The following OLFM2 variants were observed in gnomAD, a reference collection of about 807,000 sequenced individuals.
OLFM2 encodes the protein olfactomedin 2.
OLFM2 carries 20 observed loss-of-function variants against 43.9 expected under a neutral mutation model. That is an observed-to-expected ratio of 0.46 (90% CI 0.32 to 0.66). OLFM2 has a LOEUF of 0.66. Among genes scored for constraint, OLFM2 ranks in the 30% least tolerant of loss-of-function variants. OLFM2 has a pLI of 0.04. For missense variants in OLFM2, 416 were observed against 643.6 expected (o/e 0.65, Z 3.83); for synonymous variants, 268 against 278.6 (o/e 0.96, Z 0.38).
chr19:9,881,028 G>A (rs2046535735), intron 1 of OLFM2, among the ~76,000 whole-genome samples: 1 of 152,144 alleles, frequency 6.6e-6, no homozygotes, highest in East Asian at 1.9e-4. Context: ...CTCCCAAGCA[G>A]CTGAATTTAC....
chr19:9,919,689 C>T (rs979811156), intron 1 of OLFM2, among the ~76,000 whole-genome samples: 4 of 150,744 alleles, frequency 2.7e-5, no homozygotes, highest in Non-Finnish European at 1.5e-5. Flanking sequence ...GCCACATTGG[C>T]CAGGCTGGTC....
At chr19:9,904,873 G>A (rs1350944081) in intron 1 of OLFM2, among the ~76,000 whole-genome samples, 1 of 151,990 alleles carries the variant, frequency 6.6e-6, no homozygotes, top group Admixed American at 6.6e-5. Flanking sequence ...TTAAAAATTA[G>A]CCAGGTGTGG....
At chr19:9,909,012 T>C (rs2046806711) in intron 1 of OLFM2, among the ~76,000 whole-genome samples, 1 of 152,176 alleles carries the variant, frequency 6.6e-6, no homozygotes, top group South Asian at 2.1e-4. Flanking sequence ...CAGCCTATTT[T>C]AATTTTTTGT....
intron 1 of OLFM2, among the ~76,000 whole-genome samples, chr19:9,890,164 G>A (rs114413618): frequency 0.13 from 19,965 of 152,052 alleles, 1,427 homozygotes; most frequent in Middle Eastern, 0.2. Context: ...CGCTGGGCTG[G>A]TGGAGACATC....
intron 1 of OLFM2, among the ~76,000 whole-genome samples, chr19:9,927,432 G>A (rs922925059): frequency 4.6e-5 from 7 of 152,026 alleles, no homozygotes; most frequent in Admixed American, 3.3e-4. Context: ...ACTTACCCTA[G>A]TTCCCATTTC....
intron 1 of OLFM2, among the ~76,000 whole-genome samples, chr19:9,916,453 A>G (rs1197344262): frequency 6.6e-6 from 1 of 152,220 alleles, no homozygotes; most frequent in Non-Finnish European, 1.5e-5. Context: ...CAACTGCTGC[A>G]ACATCCATAA....
intron 1 of OLFM2, among the ~76,000 whole-genome samples, chr19:9,882,520 AGAGT>A (rs1275004430): frequency 6.8e-6 from 1 of 146,798 alleles, no homozygotes; most frequent in East Asian, 2.0e-4. Flanking sequence ...CCTGGGCGAC[AGAGT>A]GAGACTCCGT....
intron 1 of OLFM2, among the ~76,000 whole-genome samples, chr19:9,930,998 CCAGT>C (rs2086478841): frequency 6.6e-6 from 1 of 152,186 alleles, no homozygotes; most frequent in South Asian, 2.1e-4. Context: ...CATTCACCCA[CCAGT>C]CACACAGACG....
chr19:9,928,949 G>A (rs2086468238), intron 1 of OLFM2, among the ~76,000 whole-genome samples: 1 of 152,084 alleles, frequency 6.6e-6, no homozygotes, highest in African/African-American at 2.4e-5. Context: ...CACTGAGGTG[G>A]TGTGCACCTG....
intron 1 of OLFM2, among the ~76,000 whole-genome samples, chr19:9,884,992 A>T (rs754202409): frequency 7.2e-5 from 11 of 152,000 alleles, no homozygotes; most frequent in Non-Finnish European, 1.6e-4. Flanking sequence ...CTCTCCCATC[A>T]CAGGGTGGAT....
At position 9,857,569 on chromosome 19, in the gene OLFM2, C is replaced by CT; in HGVS notation, c.361-88dup. On this transcript the variant is annotated intron_variant, in intron 3 of 5. Coordinates refer to ENST00000264833, the MANE Select transcript of OLFM2 (RefSeq NM_058164.4). This position sits in a 1 kb window ranked among gnomAD's most constrained non-coding sequence, Gnocchi z 5.7. ...CCAACCTCTGACTCATAACTTCACC[C>CT]TTTGTCTTTGATGCACACCTGGCCC... 2.6e-6 allele frequency: 4 copies of CT among 1,562,608 alleles called. No individual in the cohort carries two copies. The highest frequency in any genetic ancestry group is 3.5e-6 in the Non-Finnish European group (4 of 1,142,110).
At chr19:9,928,478 G>A (rs1456570808) in intron 1 of OLFM2, among the ~76,000 whole-genome samples, 2 of 152,102 alleles carry the variant, frequency 1.3e-5, no homozygotes, top group Non-Finnish European at 2.9e-5. Flanking sequence ...AACTGGGACC[G>A]AGAGTCTACT....
intron 1 of OLFM2, among the ~76,000 whole-genome samples, chr19:9,934,376 G>A (rs1027148371): frequency 2.0e-5 from 3 of 152,004 alleles, no homozygotes; most frequent in African/African-American, 7.2e-5. Context: ...CACTGACCTC[G>A]TTAGTCCCGC....
chr19:9,861,411 G>A (rs1241530573), intron 1 of OLFM2, among the ~76,000 whole-genome samples: 9 of 151,552 alleles, frequency 5.9e-5, no homozygotes, highest in Admixed American at 3.3e-4. Context: ...TGATCCACCC[G>A]TCTCAGCCTC....
At chr19:9,907,078 C>G (rs887216283) in intron 1 of OLFM2, among the ~76,000 whole-genome samples, 2 of 152,164 alleles carry the variant, frequency 1.3e-5, no homozygotes, top group African/African-American at 4.8e-5. Flanking sequence ...AGCCCACCTC[C>G]ATCTCCAGTC....
intron 1 of OLFM2, among the ~76,000 whole-genome samples, chr19:9,901,176 AAAAG>A (rs1360539771): frequency 2.0e-5 from 3 of 150,142 alleles, no homozygotes; most frequent in Admixed American, 6.7e-5. Flanking sequence ...GGAAGGAAGG[AAAAG>A]AAAGAAGGAA....
At chr19:9,898,213 A>T (rs1486110874) in intron 1 of OLFM2, among the ~76,000 whole-genome samples, 1 of 145,966 alleles carries the variant, frequency 6.9e-6, no homozygotes, top group Non-Finnish European at 1.5e-5. Flanking sequence ...GCCTGGCCCC[A>T]GCTAATTTTT....
At chr19:9,913,654 G>GGA in intron 1 of OLFM2, 1 of 1,198,884 alleles carries the variant, frequency 8.3e-7, no homozygotes, top group Non-Finnish European at 1.0e-6. Flanking sequence ...CGCCCGCCGC[G>GGA]CGTCCCTTCT....
chr19:9,856,184 T>C lies in OLFM2; in HGVS notation c.687+623A>G, dbSNP rs7254993. ...TGCGATCTTGGCTCACTGCAACCTC[T>C]GCCTCCAGGGTTCAAGTGATTCTCC... On this transcript the variant is annotated intron_variant, in intron 5 of 5. Coordinates refer to ENST00000264833, the MANE Select transcript of OLFM2 (RefSeq NM_058164.4). The surrounding 1 kb of genome is among the most constrained non-coding windows in gnomAD (Gnocchi z 4.0). Among the ~76,000 whole-genome samples, 149,324 of 152,256 alleles carry C rather than the reference T, an allele frequency of 0.98. 73,503 individuals are homozygous for C. Among genetic ancestry groups the C allele is most frequent in the Middle Eastern group, 1 (294 of 294 alleles).
Sources: allele counts gnomAD v4.1 joint callset (sites outside exome capture counted in the v4.1 genomes callset), GRCh38; gene constraint gnomAD v4.1.1; non-coding constraint Gnocchi (gnomAD v3.1); transcripts MANE v1.5; gene names NCBI Gene and HGNC (gene_info 2026-07-23, HGNC 2026-07-21).